ZNF536: variants seen among roughly 807,000 people sequenced by gnomAD.
The protein encoded by ZNF536 is zinc finger protein 536.
Under a neutral mutation model 84.5 loss-of-function variants are expected in ZNF536, and 13 were observed. The observed-to-expected ratio is 0.15, with a 90% CI of 0.10 to 0.24. The LOEUF is 0.24. Ranked by LOEUF, ZNF536 falls within the 10% of genes least tolerant of loss-of-function variation. The pLI, the probability that ZNF536 is intolerant of heterozygous loss-of-function variation, is 1.00. For missense variants in ZNF536, 1,536 were observed against 1,747.5 expected, an observed-to-expected ratio of 0.88 and a Z score of 2.16; for synonymous variants, 811 against 742.5, an observed-to-expected ratio of 1.09 and a Z score of -1.50.
intron 1 of ZNF536, among the ~76,000 whole-genome samples, chr19:30,408,955 A>G (rs2050375503): frequency 6.6e-6 from 1 of 150,594 alleles, no homozygotes; most frequent in Admixed American, 6.6e-5. Context: ...TCATCCATCT[A>G]TCCACCCACA....
intron 1 of ZNF536, among the ~76,000 whole-genome samples, chr19:30,650,598 T>G (rs2049665022): frequency 6.6e-6 from 1 of 152,216 alleles, no homozygotes; most frequent in Admixed American, 6.5e-5. Context: ...CCTCCCACAT[T>G]GTAAATTGGC....
intron 1 of ZNF536, among the ~76,000 whole-genome samples, chr19:30,685,723 G>A (rs558114587): frequency 6.6e-4 from 100 of 152,290 alleles, no homozygotes; most frequent in Non-Finnish European, 1.2e-3. Flanking sequence ...CCCGTGCAGA[G>A]GCAACCAGGG....
rs1362125644 is a variant in ZNF536, at chr19:30,480,091, CAG to C, written c.2170+34360_2170+34361del. Among the ~76,000 whole-genome samples the C allele has an allele frequency of 2.0e-5, 3 of 152,248 alleles. No individual in the cohort carries two copies. The South Asian group carries it at 6.2e-4, about 31-fold the overall frequency. ...TGACAATTAGCTTTCCCTTTCTCCA[CAG>C]TTCCTCAGATATCACAGCAGCAGGT... On this transcript the variant is annotated intron_variant, in intron 2 of 4. Transcript: ENST00000355537.
intron 1 of ZNF536, among the ~76,000 whole-genome samples, chr19:30,229,438 A>T (rs759547577): frequency 6.6e-6 from 1 of 152,250 alleles, no homozygotes; most frequent in Non-Finnish European, 1.5e-5. Context: ...TATAATGATT[A>T]TTTACAGCGT....
rs79572288 is a variant in ZNF536, at chr19:30,693,493, T to A, written c.170-17264T>A. Among the ~76,000 whole-genome samples the A allele has an allele frequency of 3.5e-4, 53 of 152,168 alleles. 1 individual carries two copies. The East Asian group carries it at 8.0e-3, about 23-fold the overall frequency. ...ATTCTGGATTATGCCAGCAAGAGGA[T>A]ATGCAAAGTCTGACACCTTTGATTT... On this transcript the variant is annotated intron_variant, in intron 1 of 1. Transcript: ENST00000592773.
At chr19:30,349,323 A>G (rs2047853437) in intron 2 of ZNF536, among the ~76,000 whole-genome samples, 1 of 152,160 alleles carries the variant, frequency 6.6e-6, no homozygotes, top group Admixed American at 6.5e-5. Context: ...TTGGTTCCAG[A>G]TGTTTATGGC....
chr19:30,258,571 A>G (rs1365359210), intron 1 of ZNF536, among the ~76,000 whole-genome samples: 1 of 152,130 alleles, frequency 6.6e-6, no homozygotes, highest in Non-Finnish European at 1.5e-5. Flanking sequence ...ATCAGCGAGC[A>G]CCTTGGTCAT....
Position 30,548,461 on chromosome 19 carries a change from A to C in ZNF536, c.2842A>C (p.Lys948Gln), listed in dbSNP as rs2045641337. The change falls in exon 4 of 5, where the codon AAA (lysine) becomes CAA (glutamine). Residue 948 changes from lysine to glutamine, a missense_variant. Lys to Gln is a moderately conservative substitution (Grantham distance 53). Around this residue, in one of 8 missense-constraint regions of ZNF536, gnomAD observed 624 missense variants for 603.1 expected, o/e 1.03. Coordinates refer to ENST00000355537, the MANE Select transcript of ZNF536 (RefSeq NM_014717.3). ...AGCCCTGGCTGACCCCCCTTCCATG[A>C]AAGTCCACGGAGTGGATGGTGGTGA... is the stretch of plus-strand genomic sequence containing the variant. ...DKALADPPSM[K>Q]VHGVDGGEEK... 1.9e-6 allele frequency: 3 copies of C among 1,614,064 alleles called. No individual in the cohort carries two copies. The South Asian group carries it at 3.3e-5, about 18-fold the overall frequency.
intron 1 of ZNF536, among the ~76,000 whole-genome samples, chr19:30,566,480 A>C (rs1291084732): frequency 2.0e-5 from 3 of 152,244 alleles, no homozygotes; most frequent in Non-Finnish European, 2.9e-5. Flanking sequence ...ATGAAAACCC[A>C]AGGATGTGGA....
At chr19:30,314,691 C>G (rs1381328059) in intron 2 of ZNF536, among the ~76,000 whole-genome samples, 2 of 152,164 alleles carry the variant, frequency 1.3e-5, no homozygotes, top group Non-Finnish European at 2.9e-5. Flanking sequence ...TCCCTTCTCT[C>G]CCTCACTCCA....
chr19:30,442,767 C>T (rs375515605), intron 1 of ZNF536, among the ~76,000 whole-genome samples: 3 of 152,278 alleles, frequency 2.0e-5, no homozygotes, highest in African/African-American at 7.2e-5. Flanking sequence ...TTTGCAAAGC[C>T]GCTACTCGCA....
intron 1 of ZNF536, among the ~76,000 whole-genome samples, chr19:30,408,319 C>T (rs2050348035): frequency 6.6e-6 from 1 of 152,150 alleles, no homozygotes; most frequent in Non-Finnish European, 1.5e-5. Flanking sequence ...AGTGTCTGCT[C>T]ACGGGTGTTA....
At chr19:30,605,294 G>C (rs2047829829) in intron 1 of ZNF536, among the ~76,000 whole-genome samples, 2 of 152,006 alleles carry the variant, frequency 1.3e-5, no homozygotes. Flanking sequence ...CCCAAGCAGA[G>C]TACCCCATAC....
intron 1 of ZNF536, among the ~76,000 whole-genome samples, chr19:30,373,637 G>A (rs530067944): frequency 6.6e-6 from 1 of 152,136 alleles, no homozygotes; most frequent in Non-Finnish European, 1.5e-5. Context: ...TGCTTGGAAC[G>A]AAGGCGTCCT....
intron 2 of ZNF536, among the ~76,000 whole-genome samples, chr19:30,465,992 C>T (rs547672979): frequency 1.1e-4 from 16 of 152,134 alleles, no homozygotes; most frequent in South Asian, 4.2e-4. Flanking sequence ...CCTTGTGATC[C>T]GACCACCTCG....
chr19:30,665,023 T>C (rs1383728049), intron 1 of ZNF536, among the ~76,000 whole-genome samples: 1 of 152,134 alleles, frequency 6.6e-6, no homozygotes, highest in Non-Finnish European at 1.5e-5. Context: ...TAATATCCAG[T>C]AAAAAAATTA....
Position 30,248,033 on chromosome 19 carries a change from C to T in ZNF536, c.-190+19360C>T, listed in dbSNP as rs189764082. On this transcript the variant is annotated intron_variant, in intron 1 of 5. Transcript: ENST00000585628. Reference sequence around the variant, plus strand: ...CAGACAGCGGCATCAGGAAGTGAACCGACCTGGCCCTGTTCACAAAAGAGC... The same window carrying T: ...CAGACAGCGGCATCAGGAAGTGAACTGACCTGGCCCTGTTCACAAAAGAGC... 1.3e-3 allele frequency among the ~76,000 whole-genome samples: 191 copies of T among 152,238 alleles called. 1 individual carries two copies. Among genetic ancestry groups the T allele is most frequent in the Non-Finnish European group, 2.2e-3 (147 of 68,028 alleles).
In ZNF536 at chr19:30,445,563, C is replaced by T. The variant is rs2148229726; in HGVS notation, c.2001C>T (p.Gly667=). The part of the protein sequence containing the change: ...RKGEEDGLHV[G]LDERRGSGSD... ...GCGAGGAGGATGGGCTGCACGTGGG[C>T]CTGGATGAGCGGCGTGGCTCGGGCA... Residue 667 remains glycine, a synonymous_variant, in exon 2 of 5, where the codon GGC becomes GGT. Coordinates refer to ENST00000355537, the MANE Select transcript of ZNF536 (RefSeq NM_014717.3). The surrounding 1 kb of genome is among the most constrained non-coding windows in gnomAD (Gnocchi z 4.5). The T allele has an allele frequency of 1.2e-6, 2 of 1,613,378 alleles. No individual in the cohort carries two copies. Among genetic ancestry groups the T allele is most frequent in the Non-Finnish European group, 8.5e-7 (1 of 1,179,730 alleles).
chr19:30,377,720 C>T (rs2048871841), intron 1 of ZNF536, among the ~76,000 whole-genome samples: 1 of 152,110 alleles, frequency 6.6e-6, no homozygotes. Flanking sequence ...TTAGGAATGC[C>T]TTTGTTCTCA....
Sources: allele counts gnomAD v4.1 joint callset (sites outside exome capture counted in the v4.1 genomes callset), GRCh38; gene constraint gnomAD v4.1.1; regional missense constraint gnomAD v4.1.1; non-coding constraint Gnocchi (gnomAD v3.1); transcripts MANE v1.5; gene names NCBI Gene and HGNC (gene_info 2026-07-23, HGNC 2026-07-21).